CIAO1: variants seen among roughly 807,000 people sequenced by gnomAD.
CIAO1 encodes the protein probable cytosolic iron-sulfur protein assembly protein CIAO1.
CIAO1 carries 32 observed loss-of-function variants against 43.1 expected under a neutral mutation model. The ratio of observed to expected loss-of-function variants is 0.74; its 90% CI spans 0.56 to 1.00. The LOEUF is 1.00. Ranked by LOEUF, CIAO1 falls within the 50% of genes least tolerant of loss-of-function variation. CIAO1 has a pLI of 0.00. For missense variants in CIAO1, 415 were observed against 437.4 expected (o/e 0.95, Z 0.46); for synonymous variants, 183 against 171.4 (o/e 1.07, Z -0.53).
rs1048693305 is a variant in CIAO1 at position 96,273,719 on chromosome 2, A to G, written c.*2368A>G. 6.6e-6 allele frequency among the ~76,000 whole-genome samples: 1 copy of G among 151,984 alleles called. No individual in the cohort carries two copies. The highest frequency in any genetic ancestry group is 1.5e-5 in the Non-Finnish European group (1 of 68,000). The stretch of plus-strand genomic sequence containing the variant: ...TAGTCTTGGTGTGGTATCAAAGAAT[A>G]GCCACAATTAGCTGAAAAGGCTATT... On this transcript the variant is annotated 3_prime_UTR_variant, in exon 7 of 7. Coordinates refer to ENST00000488633, the MANE Select transcript of CIAO1 (RefSeq NM_004804.3).
chr2:96,269,740 C>T (rs923095370), intron 6 of CIAO1, among the ~76,000 whole-genome samples: 9 of 152,174 alleles, frequency 5.9e-5, no homozygotes, highest in African/African-American at 9.7e-5. Context: ...CTCCGTCTCC[C>T]GGGTTCACAC....
intron 6 of CIAO1, among the ~76,000 whole-genome samples, chr2:96,269,808 T>C (rs561270209): frequency 1.3e-5 from 2 of 152,228 alleles, no homozygotes; most frequent in African/African-American, 2.4e-5. Context: ...CCACCATGCC[T>C]GGCTAATTTT....
In CIAO1 at chr2:96,268,590, G is replaced by C. The variant is rs761581891; in HGVS notation, c.623G>C (p.Arg208Pro). 1 of 1,614,072 alleles carries C rather than the reference G, an allele frequency of 6.2e-7. No individual in the cohort carries two copies. Among genetic ancestry groups the C allele is most frequent in the Non-Finnish European group, 8.5e-7 (1 of 1,180,050 alleles). The change falls in exon 5 of 7, where the codon CGC (arginine) becomes CCC (proline). Residue 208 changes from arginine (R) to proline (P), a missense_variant. Physicochemically the swap from Arg to Pro is moderately radical, Grantham distance 103. Transcript: ENST00000488633. Reference sequence around the variant, plus strand: ...TTGGCCTTTGACCCGAGTGGCCAGCGCCTGGCGTCTTGTAGTGATGACCGT... The same window carrying C: ...TTGGCCTTTGACCCGAGTGGCCAGCCCCTGGCGTCTTGTAGTGATGACCGT... ...WSLAFDPSGQRLASCSDDRTV... is the reference protein window; with the variant it reads ...WSLAFDPSGQPLASCSDDRTV...
At position 96,272,131 on chromosome 2, in the gene CIAO1, C is replaced by T. The variant is rs1395270530; in HGVS notation, c.*780C>T. ...TGTCTGTGATATTCCATTTTCATGG[C>T]AGGGAGTGATCAGGAAGAAGGCTTC... On this transcript the variant is annotated 3_prime_UTR_variant, in exon 7 of 7. Coordinates refer to ENST00000488633, the MANE Select transcript of CIAO1 (RefSeq NM_004804.3). 6.6e-6 allele frequency: 1 copy of T among 152,190 alleles called. No homozygotes were observed. The highest frequency in any genetic ancestry group is 2.4e-5 in the African/African-American group (1 of 41,446). 9.4% of individuals were successfully genotyped at this position (152,190 alleles called of 1,614,324 possible).
chr2:96,266,706 T>C lies in CIAO1; in HGVS notation c.139+217T>C, dbSNP rs139279303. 2.0e-5 allele frequency among the ~76,000 whole-genome samples: 3 copies of C among 152,304 alleles called. No individual in the cohort carries two copies. In the East Asian group the frequency reaches 5.8e-4, roughly 29 times the overall value. On this transcript the variant is annotated intron_variant, in intron 1 of 6. Transcript: ENST00000488633. The stretch of plus-strand genomic sequence containing the variant: ...GAAATGTCAAGGGAATTGTGTTAGC[T>C]GCAGAGGCAGGAAAATGGGAAAAGA...
chr2:96,266,431 G>T lies in CIAO1; in HGVS notation c.81G>T (p.Ala27=). Residue 27 remains alanine, a synonymous_variant, in exon 1 of 7, where the codon GCG becomes GCT. Coordinates refer to ENST00000488633, the MANE Select transcript of CIAO1 (RefSeq NM_004804.3). ...SRCWFLAWNP[A]GTLLASCGGD... is the part of the protein sequence containing the mutation. ...GCTGGTTCCTGGCCTGGAACCCCGC[G>T]GGGACCCTGCTGGCCTCGTGCGGCG... 6.4e-7 allele frequency: 1 copy of T among 1,563,420 alleles called. No individual in the cohort carries two copies.
chr2:96,270,999 G>A lies in CIAO1; in HGVS notation c.780-112G>A. On this transcript the variant is annotated intron_variant, in intron 6 of 6. Coordinates refer to ENST00000488633, the MANE Select transcript of CIAO1 (RefSeq NM_004804.3). ...ATTAGTTAAGGAAACATTTTAATAA[G>A]AGGTTTTTAGCTGAGGCCTGAAGTT... 8 of 1,330,860 alleles carry A rather than the reference G, an allele frequency of 6.0e-6. No homozygotes were observed. In the South Asian group the frequency reaches 9.6e-5, roughly 16 times the overall value. The allele number at this position is 1,330,860 out of a possible 1,614,324, so 82.4% of individuals were successfully genotyped here.
In CIAO1 at chr2:96,271,186, G is replaced by T; in HGVS notation, c.855G>T (p.Ser285=). ...AIRVFQEDPN[S]DPQQPTFSLT... The stretch of plus-strand genomic sequence containing the variant: ...GCGTGTTTCAGGAGGATCCCAACTC[G>T]GATCCACAGCAGCCCACCTTCTCCC... Residue 285 remains serine, a synonymous_variant, in exon 7 of 7, where the codon TCG becomes TCT. Transcript: ENST00000488633. The T allele has an allele frequency of 6.2e-7, 1 of 1,614,196 alleles. No homozygotes were observed. The highest frequency in any genetic ancestry group is 8.5e-7 in the Non-Finnish European group (1 of 1,180,024).
At chr2:96,269,574 A>G (rs1684505458) in intron 6 of CIAO1, among the ~76,000 whole-genome samples, 1 of 152,182 alleles carries the variant, frequency 6.6e-6, no homozygotes, top group Non-Finnish European at 1.5e-5. Context: ...GGGTAGCACC[A>G]GCGCTAGAGG....
In CIAO1 at chr2:96,270,376, G is replaced by A. The variant is rs917478873; in HGVS notation, c.780-735G>A. On this transcript the variant is annotated intron_variant, in intron 6 of 6. Transcript: ENST00000488633. The stretch of plus-strand genomic sequence containing the variant: ...AAAAATTAGCTGGGCGTGTTGGCAC[G>A]CACCCAATCCCAGCTACTCAGAGGC... Among the ~76,000 whole-genome samples the A allele has an allele frequency of 4.6e-5, 7 of 152,136 alleles. No homozygotes were observed. In the South Asian group the frequency reaches 1.5e-3, roughly 32 times the overall value.
At chr2:96,268,406 C>T (rs1684478687) in intron 4 of CIAO1, 51 bp from the exon 5 acceptor site, 2 of 1,519,504 alleles carry the variant, frequency 1.3e-6, no homozygotes. Flanking sequence ...CTGTCCTTTG[C>T]TTCCTGGGCC....
In CIAO1 at chr2:96,269,325, TC is replaced by T; in HGVS notation, c.751del (p.His251ThrfsTer13). On this transcript the variant is annotated frameshift_variant, in exon 6 of 7. Transcript: ENST00000488633. LOFTEE classifies it high-confidence loss of function. ...AAATGTATCTGTACTTTGTCCGGCT[TC>T]CACTCAAGGACCATTTATGACATTG... ...SWKCICTLSG[F>X]HSRTIYDIAW... 6.2e-7 allele frequency: 1 copy of T among 1,614,166 alleles called. No individual in the cohort carries two copies. Among genetic ancestry groups the T allele is most frequent in the Non-Finnish European group, 8.5e-7 (1 of 1,180,026 alleles).
In CIAO1 at chr2:96,271,318, CT is replaced by C. The variant is rs753919372; in HGVS notation, c.989del (p.Phe330SerfsTer19). On this transcript the variant is annotated frameshift_variant, in exon 7 of 7. Transcript: ENST00000488633. LOFTEE classifies it high-confidence loss of function. Reference protein sequence around the residue: ...ASCSDDGEVAFWKYQRPEGL With the variant: ...ASCSDDGEVAXWKYQRPEGL ...CCTGCAGTGATGATGGGGAGGTGGCCTTCTGGAAGTATCAGCGGCCTGAAGG... is the reference window on the plus strand; with the variant it reads ...CCTGCAGTGATGATGGGGAGGTGGCCTCTGGAAGTATCAGCGGCCTGAAGG... 1 of 1,614,136 alleles carries C rather than the reference CT, an allele frequency of 6.2e-7. No homozygotes were observed. Among genetic ancestry groups the C allele is most frequent in the Admixed American group, 1.7e-5 (1 of 60,018 alleles).
At position 96,266,358 on chromosome 2, in the gene CIAO1, A is replaced by G; in HGVS notation, c.8A>G (p.Asp3Gly). Residue 3 changes from aspartate to glycine, a missense_variant, in exon 1 of 7, where the codon GAC becomes GGC. Transcript: ENST00000488633. MK[D>G]SLVLLGRVPA... ...CCCCTGCGTCGGGCCGACATGAAGGACTCGCTGGTGCTGCTGGGCCGTGTC... is the reference window on the plus strand; with the variant it reads ...CCCCTGCGTCGGGCCGACATGAAGGGCTCGCTGGTGCTGCTGGGCCGTGTC... 6.9e-7 allele frequency: 1 copy of G among 1,455,710 alleles called. No homozygotes were observed. The highest frequency in any genetic ancestry group is 9.2e-7 in the Non-Finnish European group (1 of 1,089,780). 90.2% of individuals were successfully genotyped at this position (1,455,710 alleles called of 1,614,324 possible). A position where few individuals can be genotyped will look rare whatever the true frequency, so the allele number is the denominator to read the frequency against.
intron 2 of CIAO1, 42 bp downstream of exon 2, chr2:96,267,511 C>A (rs1362820505): frequency 6.2e-7 from 1 of 1,611,080 alleles, no homozygotes; most frequent in South Asian, 1.1e-5. Context: ...CCTGTTTCCT[C>A]CCCAGGGCTG....
Position 96,268,452 on chromosome 2 carries a change from C to A in CIAO1, c.490-5C>A. The A allele has an allele frequency of 6.2e-7, 1 of 1,613,998 alleles. No individual in the cohort carries two copies. The highest frequency in any genetic ancestry group is 1.1e-5 in the South Asian group (1 of 91,054). Reference sequence around the variant, plus strand: ...ATGTTGGGTTTCCTTTCACTCTTCCCCCAGCTCTTAGCTTCTGCCAGCTAT... The same window carrying A: ...ATGTTGGGTTTCCTTTCACTCTTCCACCAGCTCTTAGCTTCTGCCAGCTAT... On this transcript the variant is annotated splice_polypyrimidine_tract_variant and splice_region_variant and intron_variant, in intron 4 of 6. Transcript: ENST00000488633.
At position 96,273,386 on chromosome 2, in the gene CIAO1, G is replaced by A. The variant is rs957711723; in HGVS notation, c.*2035G>A. 1.3e-5 allele frequency: 2 copies of A among 152,138 alleles called. No homozygotes were observed. Among genetic ancestry groups the A allele is most frequent in the African/African-American group, 4.8e-5 (2 of 41,410 alleles). The allele number at this position is 152,138 out of a possible 1,614,324, so 9.4% of individuals were successfully genotyped here. On this transcript the variant is annotated 3_prime_UTR_variant, in exon 7 of 7. Transcript: ENST00000488633. ...AAGAAACTATGACTTGTAGTAAGCC[G>A]GGCGCGGTGGCTCACGCCTGTAATC...
chr2:96,267,200 G>A, intron 1 of CIAO1, 121 bp from the exon 2 acceptor site: 4 of 546,850 alleles, frequency 7.3e-6, no homozygotes, highest in East Asian at 4.8e-5. Flanking sequence ...CTTTGTAAAA[G>A]CTGTGAAATA....
chr2:96,266,432 G>A lies in CIAO1; in HGVS notation c.82G>A (p.Gly28Arg), dbSNP rs376741594. 5.1e-6 allele frequency: 8 copies of A among 1,564,192 alleles called. No homozygotes were observed. Among genetic ancestry groups the A allele is most frequent in the Non-Finnish European group, 6.9e-6 (8 of 1,151,662 alleles). ...RCWFLAWNPAGTLLASCGGDR... is the reference protein window; with the variant it reads ...RCWFLAWNPARTLLASCGGDR... ...CTGGTTCCTGGCCTGGAACCCCGCG[G>A]GGACCCTGCTGGCCTCGTGCGGCGG... Residue 28 changes from glycine (G) to arginine (R), a missense_variant, in exon 1 of 7, where the codon GGG becomes AGG. Physicochemically the swap from Gly to Arg is moderately radical, Grantham distance 125 (BLOSUM62 -2). Coordinates refer to ENST00000488633, the MANE Select transcript of CIAO1 (RefSeq NM_004804.3).
Sources: gnomAD v4.1 joint callset for allele counts (sites outside exome capture counted in the v4.1 genomes callset) on GRCh38, gnomAD v4.1.1 for gene constraint, MANE v1.5 for transcripts, NCBI Gene and HGNC (gene_info 2026-07-23, HGNC 2026-07-21) for gene names.